The following TMEM232 variants were observed in gnomAD, a reference collection of about 807,000 sequenced individuals.
TMEM232 encodes transmembrane protein 232.
A neutral mutation model predicts 78.8 loss-of-function variants in TMEM232; 80 were observed. The observed-to-expected ratio is 1.01, with a 90% CI of 0.85 to 1.22. TMEM232 has a LOEUF of 1.22. TMEM232 is among the 50% of genes most tolerant of loss of function. The pLI is 0.00. For missense variants in TMEM232, 881 were observed against 742.2 expected (o/e 1.19, Z -2.17); for synonymous variants, 297 against 254.3 (o/e 1.17, Z -1.60).
rs911739589 is a variant in TMEM232, at chr5:110,661,879, C to T, written c.125+5349G>A. 2.0e-5 allele frequency among the ~76,000 whole-genome samples: 3 copies of T among 152,220 alleles called. No homozygotes were observed. In the East Asian group the frequency reaches 5.8e-4, roughly 29 times the overall value. On this transcript the variant is annotated intron_variant, in intron 2 of 13. Coordinates refer to ENST00000455884, the MANE Select transcript of TMEM232 (RefSeq NM_001039763.4). Reference sequence around the variant, plus strand: ...AATGTCTCATTGTGGGTTTAATTTACATTTATCTGATGATTAGTGATGTTG... The same window carrying T: ...AATGTCTCATTGTGGGTTTAATTTATATTTATCTGATGATTAGTGATGTTG...
intron 2 of TMEM232, among the ~76,000 whole-genome samples, chr5:110,654,552 C>T (rs1788767740): frequency 1.3e-5 from 2 of 152,054 alleles, no homozygotes; most frequent in Non-Finnish European, 2.9e-5. Flanking sequence ...TTACTGTAGC[C>T]TTGTAGTATA....
At chr5:110,495,197 G>C (rs1288020093) in intron 12 of TMEM232, among the ~76,000 whole-genome samples, 1 of 151,554 alleles carries the variant, frequency 6.6e-6, no homozygotes, top group Admixed American at 6.6e-5. Flanking sequence ...TAAAAGGAGA[G>C]ATCTGTGGTT....
chr5:110,708,358 A>G (rs1490184754), intron 1 of TMEM232, among the ~76,000 whole-genome samples: 2 of 152,244 alleles, frequency 1.3e-5, no homozygotes, highest in Non-Finnish European at 2.9e-5. Flanking sequence ...TTCTTCACAG[A>G]AAGAAAAGGA....
At chr5:110,696,214 C>G (rs1794762102) in intron 1 of TMEM232, among the ~76,000 whole-genome samples, 2 of 152,188 alleles carry the variant, frequency 1.3e-5, no homozygotes, top group African/African-American at 4.8e-5. Context: ...ACATGATTAT[C>G]TCAATAGATG....
chr5:110,609,055 C>T (rs1781856322), intron 8 of TMEM232, among the ~76,000 whole-genome samples: 4 of 151,996 alleles, frequency 2.6e-5, no homozygotes, highest in Admixed American at 1.3e-4. Flanking sequence ...AAGTTAGGAA[C>T]ATCAGCATTT....
At chr5:110,625,527 A>C (rs983631083) in intron 6 of TMEM232, 94 bp from the exon 7 acceptor site, 3 of 1,179,666 alleles carry the variant, frequency 2.5e-6, no homozygotes, top group Non-Finnish European at 3.4e-6. Context: ...AATTAAATTC[A>C]GTACTTAGAT....
chr5:110,592,817 T>C (rs964331848), intron 10 of TMEM232, among the ~76,000 whole-genome samples: 4 of 152,198 alleles, frequency 2.6e-5, no homozygotes, highest in African/African-American at 7.2e-5. Context: ...GAAATGCTGA[T>C]AGCATGTGAC....
chr5:110,734,272 A>G (rs375001623), intron 2 of TMEM232, among the ~76,000 whole-genome samples: 3 of 152,178 alleles, frequency 2.0e-5, no homozygotes, highest in African/African-American at 7.2e-5. Context: ...GTCTGCTCCA[A>G]ATATCTCCTT....
intron 12 of TMEM232, among the ~76,000 whole-genome samples, chr5:110,468,401 G>T (rs1306839928): frequency 6.6e-6 from 1 of 151,948 alleles, no homozygotes; most frequent in African/African-American, 2.4e-5. Context: ...TAAACTGAGA[G>T]TATAGACATA....
At chr5:110,668,873 T>C (rs113835741) in intron 1 of TMEM232, among the ~76,000 whole-genome samples, 1,990 of 152,284 alleles carry the variant, frequency 0.013, 35 homozygotes, top group African/African-American at 0.045. Context: ...TGCTCCTTAA[T>C]GATTACTGGG....
intron 12 of TMEM232, among the ~76,000 whole-genome samples, chr5:110,445,201 G>A (rs1759514289): frequency 6.6e-6 from 1 of 151,662 alleles, no homozygotes; most frequent in Admixed American, 6.6e-5. Flanking sequence ...TTGGATCCCT[G>A]TCTATTATGT....
At chr5:110,703,657 G>T (rs1037806095) in intron 1 of TMEM232, among the ~76,000 whole-genome samples, 1 of 152,050 alleles carries the variant, frequency 6.6e-6, no homozygotes, top group South Asian at 2.1e-4. Flanking sequence ...ACTGCACAAG[G>T]AGTAGGAAAA....
chr5:110,632,571 A>C (rs1785270788), intron 5 of TMEM232, among the ~76,000 whole-genome samples: 1 of 152,184 alleles, frequency 6.6e-6, no homozygotes, highest in East Asian at 1.9e-4. Flanking sequence ...AAAGAACCAA[A>C]CAAAATCTGG....
chr5:110,605,191 C>A lies in TMEM232; in HGVS notation c.1194G>T (p.Leu398Phe). 1 of 1,550,736 alleles carries A rather than the reference C, an allele frequency of 6.4e-7. No individual in the cohort carries two copies. The highest frequency in any genetic ancestry group is 1.2e-5 in the South Asian group (1 of 84,032). The change falls in exon 10 of 14, where the codon TTG becomes TTT. Residue 398 changes from leucine (L) to phenylalanine (F), a missense_variant. By Grantham distance (22) the Leu-to-Phe change is conservative. Coordinates refer to ENST00000455884, the MANE Select transcript of TMEM232 (RefSeq NM_001039763.4). Reference protein sequence around the residue: ...CKSSQKNILYLDKSVPPELKE... With the variant: ...CKSSQKNILYFDKSVPPELKE... ...TTAATTCTGGAGGTACTGATTTGTCCAAGTATAAAATATTTTTTTGTGAAC... is the reference window on the plus strand; with the variant it reads ...TTAATTCTGGAGGTACTGATTTGTCAAAGTATAAAATATTTTTTTGTGAAC...
At chr5:110,392,888 T>C (rs1388734333) in intron 3 of TMEM232, among the ~76,000 whole-genome samples, 1 of 152,212 alleles carries the variant, frequency 6.6e-6, no homozygotes, top group African/African-American at 2.4e-5. Flanking sequence ...ATATTGCTTG[T>C]TGTCCCACAA....
intron 12 of TMEM232, among the ~76,000 whole-genome samples, chr5:110,514,973 T>G (rs772976719): frequency 6.6e-6 from 1 of 152,222 alleles, no homozygotes; most frequent in Non-Finnish European, 1.5e-5. Context: ...TTTGAACATA[T>G]TTTTAAACAA....
At chr5:110,499,776 A>C (rs994586142) in intron 12 of TMEM232, among the ~76,000 whole-genome samples, 1 of 152,192 alleles carries the variant, frequency 6.6e-6, no homozygotes, top group Non-Finnish European at 1.5e-5. Context: ...CAGAACAAAA[A>C]GGTGATAGTC....
At chr5:110,622,403 G>A (rs553800273) in intron 7 of TMEM232, among the ~76,000 whole-genome samples, 2 of 152,262 alleles carry the variant, frequency 1.3e-5, no homozygotes, top group African/African-American at 4.8e-5. Context: ...CTTCTCCAAA[G>A]AACTATTATT....
intron 12 of TMEM232, among the ~76,000 whole-genome samples, chr5:110,429,688 A>C (rs1201092934): frequency 5.3e-5 from 8 of 151,808 alleles, no homozygotes; most frequent in Admixed American, 5.3e-4. Flanking sequence ...CAAACCCTAG[A>C]ACTCCATTCT....
Sources: allele counts gnomAD v4.1 joint callset (sites outside exome capture counted in the v4.1 genomes callset), GRCh38; gene constraint gnomAD v4.1.1; transcripts MANE v1.5; gene names NCBI Gene and HGNC (gene_info 2026-07-23, HGNC 2026-07-21).